ENAH: variants seen among roughly 807,000 people sequenced by gnomAD.
The protein encoded by ENAH is ENAH actin regulator, also known as protein enabled homolog.
ENAH carries 23 observed loss-of-function variants against 78.7 expected under a neutral mutation model. The observed-to-expected ratio is 0.29, with a 90% CI of 0.21 to 0.41. The LOEUF (loss-of-function observed/expected upper bound fraction) is 0.41. Ranked by LOEUF, ENAH falls within the 10% of genes least tolerant of loss-of-function variation. ENAH has a pLI of 1.00. For synonymous variants in ENAH, 226 were observed against 241.0 expected (o/e 0.94, Z 0.58); for missense variants, 544 against 691.0 (o/e 0.79, Z 2.39).
intron 1 of ENAH, among the ~76,000 whole-genome samples, chr1:225,636,351 A>G (rs1234001928): frequency 6.6e-6 from 1 of 152,254 alleles, no homozygotes; most frequent in Non-Finnish European, 1.5e-5. Context: ...CTTATTTTGT[A>G]TAACATTTCC....
chr1:225,572,559 G>A (rs1307079623), intron 1 of ENAH, among the ~76,000 whole-genome samples: 2 of 152,126 alleles, frequency 1.3e-5, no homozygotes, highest in African/African-American at 4.8e-5. Flanking sequence ...GAAATGCTTA[G>A]CCAAGGGCCT....
intron 1 of ENAH, among the ~76,000 whole-genome samples, chr1:225,589,015 C>A (rs953023151): frequency 3.9e-5 from 6 of 151,936 alleles, no homozygotes; most frequent in African/African-American, 1.5e-4. Context: ...ATATACATGA[C>A]ATGATAAATT....
chr1:225,547,560 T>C (rs1030902496), intron 3 of ENAH, among the ~76,000 whole-genome samples: 7 of 152,216 alleles, frequency 4.6e-5, no homozygotes, highest in Admixed American at 3.3e-4. Context: ...CAGCCTCCAG[T>C]AGCTCCCTTT....
At chr1:225,498,568 T>C (rs962655405) in intron 12 of ENAH, among the ~76,000 whole-genome samples, 164 bp from the exon 13 acceptor site, 1 of 152,234 alleles carries the variant, frequency 6.6e-6, no homozygotes, top group African/African-American at 2.4e-5. Context: ...GAATTTTGTT[T>C]TAATATTCTG....
chr1:225,629,934 C>G (rs1386766871), intron 1 of ENAH, among the ~76,000 whole-genome samples: 1 of 152,152 alleles, frequency 6.6e-6, no homozygotes, highest in Non-Finnish European at 1.5e-5. Context: ...AGCAAGTGTA[C>G]CTTCCTATTT....
At chr1:225,652,314 A>T in intron 1 of ENAH, 1 of 985,174 alleles carries the variant, frequency 1.0e-6, no homozygotes, top group Non-Finnish European at 1.2e-6. Flanking sequence ...ATACGAAAAA[A>T]TACCTGTTTC....
At chr1:225,503,562 C>G (rs1314218487) in intron 11 of ENAH, among the ~76,000 whole-genome samples, 1 of 149,944 alleles carries the variant, frequency 6.7e-6, no homozygotes, top group African/African-American at 2.5e-5. Flanking sequence ...AGGCATGAGC[C>G]ATGGCACCCA....
At chr1:225,570,873 G>A (rs1482115338) in intron 1 of ENAH, among the ~76,000 whole-genome samples, 2 of 152,110 alleles carry the variant, frequency 1.3e-5, no homozygotes, top group Non-Finnish European at 2.9e-5. Flanking sequence ...TGAGGTAGGA[G>A]AATCGCTTGA....
At chr1:225,608,613 C>A (rs1204128413) in intron 1 of ENAH, among the ~76,000 whole-genome samples, 3 of 151,436 alleles carry the variant, frequency 2.0e-5, no homozygotes, top group Non-Finnish European at 2.9e-5. Context: ...GTCAGGAGCT[C>A]GAGACCAGCC....
chr1:225,591,889 G>C (rs1404677531), intron 1 of ENAH, among the ~76,000 whole-genome samples: 2 of 151,994 alleles, frequency 1.3e-5, no homozygotes, highest in African/African-American at 4.8e-5. Context: ...GGGATTAAGA[G>C]GAGGCAATCT....
chr1:225,591,764 C>CAAAAA (rs55680042), intron 1 of ENAH, among the ~76,000 whole-genome samples: 7 of 39,514 alleles, frequency 1.8e-4, no homozygotes, highest in South Asian at 1.2e-3. Flanking sequence ...GACTCCGTCT[C>CAAAAA]AAAAAAAAAA....
At chr1:225,618,282 A>G (rs1656164520) in intron 1 of ENAH, among the ~76,000 whole-genome samples, 2 of 152,224 alleles carry the variant, frequency 1.3e-5, no homozygotes, top group South Asian at 4.1e-4. Flanking sequence ...CTGGGGAGAA[A>G]GAAAAAGTGA....
rs34233856 is a variant in ENAH, at chr1:225,540,696, T to TAA, written c.350-10060_350-10059dup. On this transcript the variant is annotated intron_variant, in intron 3 of 13. Transcript: ENST00000366843. ...TTTACCAAGTTTTAAAACGTTTATTTAAAAAAAAAAAAAAAACTAAAGAAT... is the reference window on the plus strand; with the variant it reads ...TTTACCAAGTTTTAAAACGTTTATTTAAAAAAAAAAAAAAAAAACTAAAGAAT... Among the ~76,000 whole-genome samples, 228 of 139,628 alleles carry TAA rather than the reference T, an allele frequency of 1.6e-3. 1 individual carries two copies. Among genetic ancestry groups the TAA allele is most frequent in the African/African-American group, 5.7e-3 (215 of 37,896 alleles). 91.6% of individuals were successfully genotyped at this position (139,628 alleles called of 152,430 possible).
chr1:225,631,093 T>C (rs1658934869), intron 1 of ENAH, among the ~76,000 whole-genome samples: 1 of 152,170 alleles, frequency 6.6e-6, no homozygotes, highest in Non-Finnish European at 1.5e-5. Flanking sequence ...CCCAAACCAC[T>C]TCTCTCAGAT....
intron 1 of ENAH, among the ~76,000 whole-genome samples, chr1:225,616,226 G>A (rs1194792626): frequency 1.3e-5 from 2 of 151,574 alleles, no homozygotes; most frequent in South Asian, 4.2e-4. Flanking sequence ...AGGAAAACCA[G>A]AGACCCTGTT....
chr1:225,644,501 A>C (rs1661607304), intron 1 of ENAH, among the ~76,000 whole-genome samples: 1 of 152,228 alleles, frequency 6.6e-6, no homozygotes, highest in Non-Finnish European at 1.5e-5. Flanking sequence ...CAGATATTCA[A>C]ATAACCAGTA....
intron 1 of ENAH, among the ~76,000 whole-genome samples, chr1:225,607,772 A>G (rs1415146993): frequency 8.5e-5 from 13 of 152,110 alleles, no homozygotes; most frequent in Admixed American, 8.5e-4. Flanking sequence ...TCTGGCAGTC[A>G]AGCTTAGACA....
rs1396483102 is a variant in ENAH, at chr1:225,517,229, C to T, written c.880G>A (p.Ala294Thr). Residue 294 changes from alanine to threonine, a missense_variant, in exon 6 of 14, where the codon GCC becomes ACC. Transcript: ENST00000366843. ...GATGGAGTCTCGGCCGGCTGAGAGG[C>T]TGCCTGCAAGCCTGGCTCAGAAGCA... is the stretch of plus-strand genomic sequence containing the variant. ...SSASEPGLQAASQPAETPSQQ... is the reference protein window; with the variant it reads ...SSASEPGLQATSQPAETPSQQ... 4 of 1,547,524 alleles carry T rather than the reference C, an allele frequency of 2.6e-6. No individual in the cohort carries two copies. The African/African-American group carries it at 5.5e-5, about 21-fold the overall frequency.
At chr1:225,611,819 C>T (rs1276648782) in intron 1 of ENAH, among the ~76,000 whole-genome samples, 1 of 152,052 alleles carries the variant, frequency 6.6e-6, no homozygotes, top group Non-Finnish European at 1.5e-5. Flanking sequence ...TGAAGAGATG[C>T]TGAACATTTT....
Sources: allele counts gnomAD v4.1 joint callset (sites outside exome capture counted in the v4.1 genomes callset), GRCh38; gene constraint gnomAD v4.1.1; transcripts MANE v1.5; gene names NCBI Gene and HGNC (gene_info 2026-07-23, HGNC 2026-07-21).